Variants in POU6F1 observed in about 807,000 individuals in gnomAD.
The protein encoded by POU6F1 is POU domain, class 6, transcription factor 1.
POU6F1 carries 9 observed loss-of-function variants against 28.9 expected under a neutral mutation model. That is an observed-to-expected ratio of 0.31 (90% CI 0.19 to 0.54). The LOEUF (loss-of-function observed/expected upper bound fraction) is 0.54, where lower values mean the gene tolerates loss of function less well. Ranked by LOEUF, POU6F1 falls within the 20% of genes least tolerant of loss-of-function variation. POU6F1 has a pLI of 0.94. For synonymous variants in POU6F1, 173 were observed against 171.1 expected (o/e 1.01, Z -0.09); for missense variants, 338 against 426.1 (o/e 0.79, Z 1.82).
chr12:51,192,310 C>G lies in POU6F1; in HGVS notation c.1321+20G>C, dbSNP rs772427712. On this transcript the variant is annotated intron_variant, in intron 9 of 10. Transcript: ENST00000333640. ...AATGCCTCCCCACTTCTCCACACTACTTCTCCAGGAGCCACTTACTGGACA... is the reference window on the plus strand; with the variant it reads ...AATGCCTCCCCACTTCTCCACACTAGTTCTCCAGGAGCCACTTACTGGACA... 2.5e-6 allele frequency: 4 copies of G among 1,612,722 alleles called. No homozygotes were observed. The highest frequency in any genetic ancestry group is 1.3e-5 in the African/African-American group (1 of 74,920).
rs180721442 is a variant in POU6F1 at position 51,217,932 on chromosome 12, G to A, written c.-338C>T. ...GGGAAGCGGGAAGGGGAAGCCGGGT[G>A]GGGGGGCGGTCAGGTATATATTTTT... On this transcript the variant is annotated 5_prime_UTR_variant, in exon 1 of 11. Transcript: ENST00000333640. This position sits in a 1 kb window ranked among gnomAD's most constrained non-coding sequence, Gnocchi z 5.3. Among the ~76,000 whole-genome samples the A allele has an allele frequency of 0.013, 2,010 of 151,762 alleles. 133 individuals are homozygous for A. The East Asian group carries it at 0.2, about 15-fold the overall frequency.
In POU6F1 at chr12:51,190,694, C is replaced by A; in HGVS notation, c.1491-102G>T. 1 of 1,507,112 alleles carries A rather than the reference C, an allele frequency of 6.6e-7. No homozygotes were observed. 93.4% of individuals were successfully genotyped at this position (1,507,112 alleles called of 1,614,324 possible). On this transcript the variant is annotated intron_variant, in intron 10 of 10. Coordinates refer to ENST00000333640, the MANE Select transcript of POU6F1 (RefSeq NM_001330422.2). This position sits in a 1 kb window ranked among gnomAD's most constrained non-coding sequence, Gnocchi z 4.5. ...GCTCCATCCTCAAGGGGCCGCTCCT[C>A]TAGGGGCTGGTGAGACTGTACCCAG...
intron 6 of POU6F1, among the ~76,000 whole-genome samples, 171 bp downstream of exon 6, chr12:51,197,599 G>A (rs984513210): frequency 6.6e-6 from 1 of 152,120 alleles, no homozygotes. Context: ...TGGGATGGAC[G>A]GGCTGGCAGC....
At chr12:51,193,258 C>T (rs1942567515) in intron 8 of POU6F1, among the ~76,000 whole-genome samples, 1 of 152,178 alleles carries the variant, frequency 6.6e-6, no homozygotes, top group Admixed American at 6.5e-5. Flanking sequence ...AGAAGGTATA[C>T]CTCTTAACTA....
intron 2 of POU6F1, among the ~76,000 whole-genome samples, chr12:51,204,664 A>G (rs1943456715): frequency 1.3e-5 from 2 of 152,154 alleles, no homozygotes; most frequent in Non-Finnish European, 2.9e-5. Flanking sequence ...TCTTTGTTCC[A>G]TCTCTTGGAC....
In POU6F1 at chr12:51,187,083, A is replaced by C. The variant is rs1942072758; in HGVS notation, c.*3164T>G. On this transcript the variant is annotated 3_prime_UTR_variant, in exon 11 of 11. Coordinates refer to ENST00000333640, the MANE Select transcript of POU6F1 (RefSeq NM_001330422.2). ...CCTCAGTGCCAGAGCCTGGTCCAAG[A>C]GGCAGGAAGGAAATCTGGGCATGGG... The C allele has an allele frequency of 6.6e-6, 1 of 152,310 alleles. No homozygotes were observed. The highest frequency in any genetic ancestry group is 2.1e-4 in the South Asian group (1 of 4,830). 9.4% of individuals were successfully genotyped at this position (152,310 alleles called of 1,614,324 possible).
chr12:51,212,533 C>G (rs905473877), intron 1 of POU6F1, among the ~76,000 whole-genome samples: 2 of 150,874 alleles, frequency 1.3e-5, no homozygotes, highest in African/African-American at 4.8e-5. Context: ...GTAATCCCGG[C>G]ACTTTGGGAG....
chr12:51,209,372 A>G (rs1365341847), intron 1 of POU6F1, among the ~76,000 whole-genome samples: 1 of 152,252 alleles, frequency 6.6e-6, no homozygotes, highest in East Asian at 1.9e-4. Context: ...TTTCATGTAA[A>G]TGGAATGATA....
At position 51,217,599 on chromosome 12, in the gene POU6F1, C is replaced by A. The variant is rs529642113; in HGVS notation, c.-48+43G>T. The A allele has an allele frequency of 1.2e-4, 18 of 152,296 alleles. No homozygotes were observed. The highest frequency in any genetic ancestry group is 4.3e-4 in the African/African-American group (18 of 41,542). 9.4% of individuals were successfully genotyped at this position (152,296 alleles called of 1,614,324 possible). On this transcript the variant is annotated intron_variant, in intron 1 of 10. Transcript: ENST00000333640. This position sits in a 1 kb window ranked among gnomAD's most constrained non-coding sequence, Gnocchi z 5.3. ...AAACCTCCCCTGCCCGGCCCCCTCC[C>A]CCTCCGTGCAAACCCCTCCCCGCCC... is the stretch of plus-strand genomic sequence containing the variant.
rs1226839951 is a variant in POU6F1 at position 51,217,449 on chromosome 12, C to T, written c.-48+193G>A. Among the ~76,000 whole-genome samples the T allele has an allele frequency of 6.6e-6, 1 of 152,000 alleles. No homozygotes were observed. Among genetic ancestry groups the T allele is most frequent in the African/African-American group, 2.4e-5 (1 of 41,424 alleles). The stretch of plus-strand genomic sequence containing the variant: ...CCCAGCTGGGCAACCGCGCGCTGTC[C>T]CGCTCCCGCAGCTCCCCGCCGCCCC... On this transcript the variant is annotated intron_variant, in intron 1 of 10. Coordinates refer to ENST00000333640, the MANE Select transcript of POU6F1 (RefSeq NM_001330422.2). This position sits in a 1 kb window ranked among gnomAD's most constrained non-coding sequence, Gnocchi z 5.3.
chr12:51,192,915 A>G (rs1301464811), intron 8 of POU6F1, among the ~76,000 whole-genome samples: 2 of 152,102 alleles, frequency 1.3e-5, no homozygotes, highest in Non-Finnish European at 2.9e-5. Context: ...AAAAAAAAAA[A>G]AAAGCAAGAC....
chr12:51,199,545 T>C lies in POU6F1; in HGVS notation c.366+202A>G, dbSNP rs1943071899. On this transcript the variant is annotated intron_variant, in intron 4 of 10. Transcript: ENST00000333640. The surrounding 1 kb of genome is among the most constrained non-coding windows in gnomAD (Gnocchi z 4.1). ...GCCCAAGGAGATGATTCTGCAAATG[T>C]AGATCCCCTTTTCCAAATGGGCCTG... Among the ~76,000 whole-genome samples, 1 of 152,216 alleles carries C rather than the reference T, an allele frequency of 6.6e-6. No individual in the cohort carries two copies. The highest frequency in any genetic ancestry group is 1.5e-5 in the Non-Finnish European group (1 of 68,036).
intron 9 of POU6F1, 85 bp from the exon 10 acceptor site, chr12:51,191,849 G>A: frequency 6.6e-7 from 1 of 1,510,190 alleles, no homozygotes; most frequent in Non-Finnish European, 9.2e-7. Flanking sequence ...AACTGACGCA[G>A]TAGTGAGAGG....
chr12:51,194,589 A>G (rs12818718), intron 8 of POU6F1, among the ~76,000 whole-genome samples: 65,605 of 149,800 alleles, frequency 0.44, 16,182 homozygotes, highest in African/African-American at 0.67. Flanking sequence ...GCAGTGAGCC[A>G]AGGTCACATC....
At chr12:51,205,127 C>A (rs941977190) in intron 2 of POU6F1, among the ~76,000 whole-genome samples, 1 of 151,478 alleles carries the variant, frequency 6.6e-6, no homozygotes, top group African/African-American at 2.4e-5. Context: ...CCAGCTCCAC[C>A]CCCCCGGGTT....
chr12:51,200,993 A>T (rs1190079009), intron 3 of POU6F1, among the ~76,000 whole-genome samples: 2 of 152,174 alleles, frequency 1.3e-5, no homozygotes, highest in Non-Finnish European at 2.9e-5. Flanking sequence ...GCGCCTGGCC[A>T]GATCAATGGC....
chr12:51,215,355 G>A (rs1019508498), intron 1 of POU6F1, among the ~76,000 whole-genome samples: 1 of 151,950 alleles, frequency 6.6e-6, no homozygotes, highest in African/African-American at 2.4e-5. Flanking sequence ...AGAAGTTCAA[G>A]ACCAGCTTGG....
Position 51,190,511 on chromosome 12 carries a change from C to A in POU6F1, c.1572G>T (p.Leu524=). The change falls in exon 11 of 11, where the codon CTG becomes CTT. Residue 524 remains leucine, a synonymous_variant. Coordinates refer to ENST00000333640, the MANE Select transcript of POU6F1 (RefSeq NM_001330422.2). The surrounding 1 kb of genome is among the most constrained non-coding windows in gnomAD (Gnocchi z 4.5). ...GGTTCTGCTGGCCTTCCTGGTTCCG[C>A]AGTTCAGCTTCGTTTAGCCACTTTT... ...VLEKWLNEAE[L]RNQEGQQNLM... is the part of the protein sequence containing the mutation. 6.2e-7 allele frequency: 1 copy of A among 1,614,176 alleles called. No individual in the cohort carries two copies. Among genetic ancestry groups the A allele is most frequent in the Non-Finnish European group, 8.5e-7 (1 of 1,180,042 alleles).
intron 7 of POU6F1, 30 bp downstream of exon 7, chr12:51,196,769 C>A (rs2137124208): frequency 6.2e-7 from 1 of 1,613,048 alleles, no homozygotes; most frequent in East Asian, 2.2e-5. Flanking sequence ...CCACAGTCCC[C>A]ACCCTCCAGC....
Sources: allele counts gnomAD v4.1 joint callset (sites outside exome capture counted in the v4.1 genomes callset), GRCh38; gene constraint gnomAD v4.1.1; non-coding constraint Gnocchi (gnomAD v3.1); transcripts MANE v1.5; gene names NCBI Gene and HGNC (gene_info 2026-07-23, HGNC 2026-07-21).